Variants in TRIM48 observed in about 807,000 individuals in gnomAD.
TRIM48 encodes the protein tripartite motif containing 48.
In TRIM48, 31 loss-of-function variants were observed where a neutral mutation model predicts 29.5. That is an observed-to-expected ratio of 1.05 (90% CI 0.79 to 1.42). The LOEUF (loss-of-function observed/expected upper bound fraction) is 1.42, where lower values mean the gene tolerates loss of function less well. TRIM48 is among the 40% of genes most tolerant of loss of function. The probability of loss-of-function intolerance (pLI) is 0.00; values close to 1 mark genes in which losing one functional copy is unlikely to be tolerated. For missense variants in TRIM48, 344 were observed against 265.0 expected, an observed-to-expected ratio of 1.30 and a Z score of -2.07; for synonymous variants, 128 against 90.6, an observed-to-expected ratio of 1.41 and a Z score of -2.34.
At position 55,269,479 on chromosome 11, in the gene TRIM48, G is replaced by T; in HGVS notation, c.*1+140G>T. On this transcript the variant is annotated intron_variant, in intron 5 of 5. Coordinates refer to ENST00000417545, the MANE Select transcript of TRIM48 (RefSeq NM_024114.5). ...AACAATATAATCATGCAACCCTTTT[G>T]TATCTGTGTCTGTATAGTCAGATTT... 2.5e-6 allele frequency: 3 copies of T among 1,201,926 alleles called. 1 individual carries two copies. Among genetic ancestry groups the T allele is most frequent in the Admixed American group, 4.7e-5 (2 of 42,902 alleles). The allele number at this position is 1,201,926 out of a possible 1,614,324, so 74.5% of individuals were successfully genotyped here.
Position 55,270,792 on chromosome 11 carries a change from T to C in TRIM48, c.*357T>C. ...TTACACTGCAGTATGTCCCAAGACCTACCAACCATGTAGAATTATTCCTGG... is the reference window on the plus strand; with the variant it reads ...TTACACTGCAGTATGTCCCAAGACCCACCAACCATGTAGAATTATTCCTGG... On this transcript the variant is annotated 3_prime_UTR_variant, in exon 6 of 6. Transcript: ENST00000417545. 1.9e-6 allele frequency: 3 copies of C among 1,575,648 alleles called. No homozygotes were observed. The highest frequency in any genetic ancestry group is 2.6e-6 in the Non-Finnish European group (3 of 1,158,686).
intron 1 of TRIM48, among the ~76,000 whole-genome samples, chr11:55,263,518 C>T (rs7114530): frequency 0.04 from 6,133 of 151,804 alleles, 184 homozygotes; most frequent in Non-Finnish European, 0.062. Context: ...AAAAATTTGC[C>T]GGGTGTAGTG....
chr11:55,270,067 A>C (rs1208661471), intron 5 of TRIM48, among the ~76,000 whole-genome samples: 12 of 148,108 alleles, frequency 8.1e-5, no homozygotes, highest in Non-Finnish European at 1.6e-4. Flanking sequence ...GCTTTCCAAA[A>C]TGATGGCACT....
Position 55,270,868 on chromosome 11 carries a change from A to G in TRIM48, c.*433A>G, listed in dbSNP as rs551966273. On this transcript the variant is annotated 3_prime_UTR_variant, in exon 6 of 6. Coordinates refer to ENST00000417545, the MANE Select transcript of TRIM48 (RefSeq NM_024114.5). Reference sequence around the variant, plus strand: ...CGTTGATGTTAGTCAAAGCTCCCCTATATACACCATCCCTAATTGCTCCTT... The same window carrying G: ...CGTTGATGTTAGTCAAAGCTCCCCTGTATACACCATCCCTAATTGCTCCTT... 1.5e-4 allele frequency: 228 copies of G among 1,564,130 alleles called. 44 individuals are homozygous for G. The East Asian group carries it at 5.3e-3, about 36-fold the overall frequency.
At position 55,270,700 on chromosome 11, in the gene TRIM48, G is replaced by A; in HGVS notation, c.*265G>A. ...TCAGAATGGCAATATATATGGAGAG[G>A]AGGGACTCTTTAGTCTTGGGTGTGT... On this transcript the variant is annotated 3_prime_UTR_variant, in exon 6 of 6. Coordinates refer to ENST00000417545, the MANE Select transcript of TRIM48 (RefSeq NM_024114.5). The A allele has an allele frequency of 6.4e-7, 1 of 1,570,094 alleles. No homozygotes were observed. Among genetic ancestry groups the A allele is most frequent in the South Asian group, 1.2e-5 (1 of 83,148 alleles).
intron 1 of TRIM48, among the ~76,000 whole-genome samples, chr11:55,263,440 G>C (rs1857334958): frequency 6.6e-6 from 1 of 151,996 alleles, no homozygotes; most frequent in South Asian, 2.1e-4. Flanking sequence ...ATCACTTGAG[G>C]CCGGGAGTTC....
Position 55,270,855 on chromosome 11 carries a change from T to A in TRIM48, c.*420T>A. On this transcript the variant is annotated 3_prime_UTR_variant, in exon 6 of 6. Coordinates refer to ENST00000417545, the MANE Select transcript of TRIM48 (RefSeq NM_024114.5). Reference sequence around the variant, plus strand: ...GAACTGTGAGCTTCGTTGATGTTAGTCAAAGCTCCCCTATATACACCATCC... The same window carrying A: ...GAACTGTGAGCTTCGTTGATGTTAGACAAAGCTCCCCTATATACACCATCC... The A allele has an allele frequency of 6.4e-7, 1 of 1,568,402 alleles. No individual in the cohort carries two copies. The highest frequency in any genetic ancestry group is 1.7e-5 in the Admixed American group (1 of 58,146).
rs1477221672 is a variant in TRIM48 at position 55,270,336 on chromosome 11, T to G, written c.*2-101T>G. 7.3e-6 allele frequency: 7 copies of G among 964,988 alleles called. 1 individual carries two copies. The highest frequency in any genetic ancestry group is 1.0e-5 in the Non-Finnish European group (7 of 682,476). 59.8% of individuals were successfully genotyped at this position (964,988 alleles called of 1,614,324 possible). A position where few individuals can be genotyped will look rare whatever the true frequency, so the allele number is the denominator to read the frequency against. Reference sequence around the variant, plus strand: ...GTCCTTGTGACTTTACGTTTCCTGGTAAATTAACTTTTTGATAGAACGATT... The same window carrying G: ...GTCCTTGTGACTTTACGTTTCCTGGGAAATTAACTTTTTGATAGAACGATT... On this transcript the variant is annotated intron_variant, in intron 5 of 5. Transcript: ENST00000417545.
chr11:55,265,797 C>CAAAAAAAAA, intron 3 of TRIM48, 102 bp downstream of exon 3: 1 of 847,628 alleles, frequency 1.2e-6, no homozygotes, highest in South Asian at 2.6e-5. Flanking sequence ...TTCTGGGAGT[C>CAAAAAAAAA]AAAAAAAAAA....
rs1857312460 is a variant in TRIM48 at position 55,262,232 on chromosome 11, A to T, written c.-36A>T. On this transcript the variant is annotated 5_prime_UTR_variant, in exon 1 of 6. It removes an upstream start codon present in the reference 5' UTR. Transcript: ENST00000417545. ...CCTCTGAAACTCAGTACTGCAGCGAATGAGCTCCTGACCTTGAGGAGTACT... is the reference window on the plus strand; with the variant it reads ...CCTCTGAAACTCAGTACTGCAGCGATTGAGCTCCTGACCTTGAGGAGTACT... The T allele has an allele frequency of 6.5e-7, 1 of 1,538,942 alleles. No homozygotes were observed. The highest frequency in any genetic ancestry group is 8.8e-7 in the Non-Finnish European group (1 of 1,137,472).
At position 55,270,575 on chromosome 11, in the gene TRIM48, C is replaced by T. The variant is rs1395262827; in HGVS notation, c.*140C>T. On this transcript the variant is annotated 3_prime_UTR_variant, in exon 6 of 6. Transcript: ENST00000417545. ...CCTACAAGTTTTCTTGCATGGGGTG[C>T]TCAGACTTTCACCTCTGGCAAATAT... 5.7e-6 allele frequency: 9 copies of T among 1,583,554 alleles called. 2 individuals carry two copies. The East Asian group carries it at 2.2e-4, about 38-fold the overall frequency.
intron 3 of TRIM48, among the ~76,000 whole-genome samples, chr11:55,266,645 A>G (rs1214865831): frequency 6.8e-6 from 1 of 147,654 alleles, no homozygotes; most frequent in African/African-American, 2.5e-5. Context: ...GTGAGTTTAA[A>G]ATAGGGTGGT....
In TRIM48 at chr11:55,270,674, A is replaced by G. The variant is rs1857470440; in HGVS notation, c.*239A>G. 1 of 1,576,014 alleles carries G rather than the reference A, an allele frequency of 6.3e-7. No individual in the cohort carries two copies. Among genetic ancestry groups the G allele is most frequent in the Non-Finnish European group, 8.6e-7 (1 of 1,159,222 alleles). Reference sequence around the variant, plus strand: ...TGTAATAAGTATTGGAAAGGGAAGAATCAGAATGGCAATATATATGGAGAG... The same window carrying G: ...TGTAATAAGTATTGGAAAGGGAAGAGTCAGAATGGCAATATATATGGAGAG... On this transcript the variant is annotated 3_prime_UTR_variant, in exon 6 of 6. Coordinates refer to ENST00000417545, the MANE Select transcript of TRIM48 (RefSeq NM_024114.5).
intron 1 of TRIM48, among the ~76,000 whole-genome samples, chr11:55,262,822 G>C (rs12805016): frequency 1.4e-3 from 1 of 698 alleles, no homozygotes. Context: ...ATAAATATAT[G>C]ATATAATTTG....
intron 3 of TRIM48, among the ~76,000 whole-genome samples, chr11:55,268,042 G>T (rs1472133149): frequency 1.4e-5 from 2 of 147,722 alleles, no homozygotes; most frequent in Admixed American, 6.9e-5. Flanking sequence ...CCACTCATTT[G>T]GATAATAGGT....
At chr11:55,263,215 T>G (rs1267642104) in intron 1 of TRIM48, among the ~76,000 whole-genome samples, 1 of 152,152 alleles carries the variant, frequency 6.6e-6, no homozygotes, top group Non-Finnish European at 1.5e-5. Context: ...ATTACCACTG[T>G]GTTACAATTG....
chr11:55,263,076 G>A (rs1007407443), intron 1 of TRIM48, among the ~76,000 whole-genome samples: 23 of 152,116 alleles, frequency 1.5e-4, no homozygotes, highest in African/African-American at 5.6e-4. Flanking sequence ...GGGTGTATAT[G>A]TATACATGTA....
rs1475429327 is a variant in TRIM48 at position 55,265,230 on chromosome 11, C to A, written c.375C>A (p.Ser125Arg). The A allele has an allele frequency of 5.7e-6, 9 of 1,582,508 alleles. 1 individual carries two copies. The highest frequency in any genetic ancestry group is 4.6e-4 in the Middle Eastern group (2 of 4,364). Residue 125 changes from serine to arginine, a missense_variant, in exon 2 of 6, where the codon AGC (serine) becomes AGA (arginine). Physicochemically the swap from Ser to Arg is moderately radical, Grantham distance 110. Coordinates refer to ENST00000417545, the MANE Select transcript of TRIM48 (RefSeq NM_024114.5). ...AGATGTTCTGTGAAGTGGACAGGAG[C>A]CTGCTCTGTTTGCTGTGCTCCAGCT... ...TKKMFCEVDR[S>R]LLCLLCSSSQ...
intron 3 of TRIM48, 117 bp downstream of exon 3, chr11:55,265,812 AAG>A (rs1264127321): frequency 1.7e-6 from 2 of 1,145,142 alleles, no homozygotes; most frequent in East Asian, 3.0e-5. Flanking sequence ...AAAAAAAAAA[AAG>A]AGAAGAAAAC....
Sources: gnomAD v4.1 joint callset for allele counts (sites outside exome capture counted in the v4.1 genomes callset) on GRCh38, gnomAD v4.1.1 for gene constraint, MANE v1.5 for transcripts, NCBI Gene and HGNC (gene_info 2026-07-23, HGNC 2026-07-21) for gene names.